The following FAAH2 variants were observed in gnomAD, a reference collection of about 807,000 sequenced individuals.
FAAH2 encodes fatty-acid amide hydrolase 2.
FAAH2 carries 60 observed loss-of-function variants against 36.9 expected under a neutral mutation model. The observed-to-expected ratio is 1.63, with a 90% confidence interval of 1.32 to 2.02. The LOEUF is 2.02. Ranked by LOEUF, FAAH2 falls within the 30% of genes most tolerant of loss-of-function variation. The pLI is 0.00. For missense variants in FAAH2, 689 were observed against 397.5 expected (o/e 1.73, Z -6.23); for synonymous variants, 214 against 143.8 (o/e 1.49, Z -3.49).
At chrX:57,393,694 C>T in intron 7 of FAAH2, 2 of 1,013,909 alleles carry the variant, frequency 2.0e-6, no homozygotes, top group Non-Finnish European at 2.8e-6. Context: ...TGCCCAGTCT[C>T]TCTCTCCTGT....
At chrX:57,468,109 A>C (rs1464661363) in intron 10 of FAAH2, among the ~76,000 whole-genome samples, 1 of 111,624 alleles carries the variant, frequency 9.0e-6, no homozygotes, top group Middle Eastern at 4.2e-3. Context: ...GGTCACCATA[A>C]TCAAGACAAA....
chrX:57,199,741 G>T, the FAAH2 span, among the ~76,000 whole-genome samples: 1 of 111,264 alleles, frequency 9.0e-6, no homozygotes, highest in African/African-American at 3.3e-5. Flanking sequence ...AATAATATTA[G>T]TTTTTTATAT....
chrX:57,445,890 T>C (rs1444256580), intron 8 of FAAH2, among the ~76,000 whole-genome samples: 1 of 112,119 alleles, frequency 8.9e-6, no homozygotes, highest in Non-Finnish European at 1.9e-5. Flanking sequence ...CTCCAGGGTT[T>C]TTCCAAGGCC....
At chrX:57,451,938 C>T (rs2056790866) in intron 10 of FAAH2, among the ~76,000 whole-genome samples, 1 of 112,628 alleles carries the variant, frequency 8.9e-6, no homozygotes, top group African/African-American at 3.2e-5. Context: ...TGATAACATG[C>T]AATCAACAAT....
chrX:57,382,236 A>T (rs2054871741), intron 7 of FAAH2, among the ~76,000 whole-genome samples: 1 of 111,855 alleles, frequency 8.9e-6, no homozygotes, highest in African/African-American at 3.3e-5. Context: ...ATGATCTAAA[A>T]TTGGCACTCT....
chrX:57,368,127 C>T (rs2054464089), intron 5 of FAAH2, among the ~76,000 whole-genome samples: 1 of 110,951 alleles, frequency 9.0e-6, no homozygotes, highest in Non-Finnish European at 1.9e-5. Flanking sequence ...CCATCTACCC[C>T]ATTCCAGTGT....
intron 7 of FAAH2, among the ~76,000 whole-genome samples, chrX:57,420,533 G>A (rs1014028711): frequency 1.3e-4 from 14 of 110,836 alleles, no homozygotes; most frequent in African/African-American, 3.6e-4. Flanking sequence ...TCTGTTATTG[G>A]TGTATAAGAA....
the FAAH2 span, among the ~76,000 whole-genome samples, chrX:57,160,208 A>T: frequency 8.9e-6 from 1 of 111,816 alleles, no homozygotes; most frequent in Admixed American, 9.5e-5. Flanking sequence ...ATGGTGGATA[A>T]GCCTTTTGAT....
At chrX:57,377,337 G>C (rs2054709544) in intron 5 of FAAH2, among the ~76,000 whole-genome samples, 1 of 112,301 alleles carries the variant, frequency 8.9e-6, no homozygotes, top group Non-Finnish European at 1.9e-5. Context: ...GGTGTAGGAA[G>C]TGATCCAGTT....
At chrX:57,353,091 T>C (rs180876744) in intron 5 of FAAH2, among the ~76,000 whole-genome samples, 1 of 110,431 alleles carries the variant, frequency 9.1e-6, no homozygotes, top group Non-Finnish European at 1.9e-5. Flanking sequence ...TTCACAGTAT[T>C]ATAAAAAATT....
At chrX:57,281,009 T>C in the FAAH2 span, among the ~76,000 whole-genome samples, 1 of 112,136 alleles carries the variant, frequency 8.9e-6, no homozygotes, top group Non-Finnish European at 1.9e-5. Flanking sequence ...TATTTGACAA[T>C]CTTGAAATGA....
chrX:57,231,407 A>C, the FAAH2 span, among the ~76,000 whole-genome samples: 1 of 111,296 alleles, frequency 9.0e-6, no homozygotes, highest in Non-Finnish European at 1.9e-5. Context: ...TTCTGGACTC[A>C]ACACTAGATT....
the FAAH2 span, among the ~76,000 whole-genome samples, chrX:57,152,156 G>A: frequency 8.9e-6 from 1 of 112,028 alleles, no homozygotes; most frequent in Non-Finnish European, 1.9e-5. Context: ...GTACTCAGCT[G>A]TGTGAGGTGT....
chrX:57,481,781 C>A (rs1364122052), intron 10 of FAAH2, among the ~76,000 whole-genome samples: 2 of 112,060 alleles, frequency 1.8e-5, no homozygotes, highest in East Asian at 5.7e-4. Context: ...TGGGAGAATC[C>A]CTCTTGTCAG....
intron 8 of FAAH2, among the ~76,000 whole-genome samples, chrX:57,440,117 G>GT (rs766550441): frequency 1.8e-5 from 2 of 111,451 alleles, no homozygotes; most frequent in East Asian, 2.8e-4. Flanking sequence ...ACTTAGAGTA[G>GT]TTTTTTCCAG....
At chrX:57,419,792 C>A (rs759669998) in intron 7 of FAAH2, among the ~76,000 whole-genome samples, 3 of 111,565 alleles carry the variant, frequency 2.7e-5, no homozygotes, top group South Asian at 3.8e-4. Context: ...AAGTCCTTGC[C>A]CATGCCTATG....
intron 9 of FAAH2, among the ~76,000 whole-genome samples, chrX:57,447,714 C>A (rs2056704857): frequency 1.1e-5 from 1 of 87,019 alleles, no homozygotes; most frequent in Admixed American, 1.4e-4. Context: ...GCTAGAGGGG[C>A]TGGAATGCAG....
intron 8 of FAAH2, among the ~76,000 whole-genome samples, chrX:57,442,272 G>T (rs1007816410): frequency 9.9e-5 from 11 of 111,136 alleles, no homozygotes; most frequent in African/African-American, 3.6e-4. Flanking sequence ...CTAATGACTT[G>T]CTTTATGAAT....
At chrX:57,233,788 C>T in the FAAH2 span, among the ~76,000 whole-genome samples, 24 of 112,568 alleles carry the variant, frequency 2.1e-4, no homozygotes, top group East Asian at 3.4e-3. Context: ...TACAGGCGTG[C>T]GCCACCACGC....
Sources: gnomAD v4.1 joint callset for allele counts (sites outside exome capture counted in the v4.1 genomes callset) on GRCh38, gnomAD v4.1.1 for gene constraint, MANE v1.5 for transcripts, NCBI Gene and HGNC (gene_info 2026-07-23, HGNC 2026-07-21) for gene names.